PRKG1: variants seen among roughly 807,000 people sequenced by gnomAD.
The protein encoded by PRKG1 is protein kinase cGMP-dependent 1, also known as cGMP-dependent protein kinase 1.
Under a neutral mutation model 88.1 loss-of-function variants are expected in PRKG1, and 35 were observed. The ratio of observed to expected loss-of-function variants is 0.40; its 90% CI spans 0.30 to 0.53. The LOEUF (loss-of-function observed/expected upper bound fraction) is 0.53, where lower values mean the gene tolerates loss of function less well. Among genes scored for constraint, PRKG1 ranks in the 20% least tolerant of loss-of-function variants. The pLI is 0.59. For missense variants in PRKG1, 540 were observed against 839.8 expected, an observed-to-expected ratio of 0.64 and a Z score of 4.41; for synonymous variants, 303 against 292.5, an observed-to-expected ratio of 1.04 and a Z score of -0.37.
chr10:51,537,558 G>A (rs1007262786), intron 3 of PRKG1, among the ~76,000 whole-genome samples: 3 of 151,690 alleles, frequency 2.0e-5, no homozygotes, highest in Non-Finnish European at 4.4e-5. Flanking sequence ...GGTGAAACCC[G>A]TCTCTGCTAA....
At chr10:51,865,858 T>C in intron 4 of PRKG1, among the ~76,000 whole-genome samples, 1 of 152,186 alleles carries the variant, frequency 6.6e-6, no homozygotes, top group East Asian at 1.9e-4. Context: ...TCTTAAAATA[T>C]ATAATAAGCA....
At chr10:51,437,956 A>G (rs1419571651) in intron 2 of PRKG1, among the ~76,000 whole-genome samples, 1 of 151,564 alleles carries the variant, frequency 6.6e-6, no homozygotes, top group Non-Finnish European at 1.5e-5. Context: ...AAAGGCTAAG[A>G]AATCTTGCTC....
chr10:51,358,449 G>A (rs942246628), intron 2 of PRKG1, among the ~76,000 whole-genome samples: 15 of 151,936 alleles, frequency 9.9e-5, no homozygotes, highest in African/African-American at 3.6e-4. Context: ...AGGAATGTCA[G>A]TGTTCCATGC....
intron 9 of PRKG1, among the ~76,000 whole-genome samples, chr10:52,248,422 C>T (rs766596067): frequency 2.6e-5 from 4 of 152,078 alleles, no homozygotes; most frequent in Non-Finnish European, 5.9e-5. Flanking sequence ...AAAATCAGGA[C>T]CTGAAACAAG....
At chr10:51,688,772 T>G (rs933960498) in intron 3 of PRKG1, among the ~76,000 whole-genome samples, 1 of 152,158 alleles carries the variant, frequency 6.6e-6, no homozygotes, top group Non-Finnish European at 1.5e-5. Context: ...TTCACACTCA[T>G]GCTAATATCA....
At chr10:52,006,831 C>A (rs1480469817) in intron 5 of PRKG1, among the ~76,000 whole-genome samples, 1 of 152,118 alleles carries the variant, frequency 6.6e-6, no homozygotes, top group Non-Finnish European at 1.5e-5. Context: ...TGATTACATT[C>A]TCTAAGGTCA....
intron 1 of PRKG1, among the ~76,000 whole-genome samples, chr10:51,010,184 T>G (rs879604813): frequency 1.3e-5 from 2 of 152,210 alleles, no homozygotes; most frequent in Non-Finnish European, 2.9e-5. Context: ...TGGAATTCCA[T>G]GGAGCACGTG....
Position 51,344,112 on chromosome 10 carries a change from T to C in PRKG1, c.479-123611T>C, listed in dbSNP as rs371869688. Among the ~76,000 whole-genome samples, 13 of 152,318 alleles carry C rather than the reference T, an allele frequency of 8.5e-5. No individual in the cohort carries two copies. The East Asian group carries it at 2.5e-3, about 29-fold the overall frequency. On this transcript the variant is annotated intron_variant, in intron 2 of 17. Coordinates refer to ENST00000373980, the MANE Select transcript of PRKG1 (RefSeq NM_006258.4). Reference sequence around the variant, plus strand: ...TATAAAGAAAAGAGGTTTAACTTGCTCATGGTTCTGCAGGCTGTACAGGAA... The same window carrying C: ...TATAAAGAAAAGAGGTTTAACTTGCCCATGGTTCTGCAGGCTGTACAGGAA...
At chr10:51,851,279 G>A (rs1484564550) in intron 4 of PRKG1, among the ~76,000 whole-genome samples, 2 of 152,210 alleles carry the variant, frequency 1.3e-5, no homozygotes, top group African/African-American at 2.4e-5. Flanking sequence ...TTAGGTCAGA[G>A]ATTCTCAACT....
At chr10:52,118,119 T>G (rs1847731537) in intron 7 of PRKG1, among the ~76,000 whole-genome samples, 1 of 152,100 alleles carries the variant, frequency 6.6e-6, no homozygotes, top group Admixed American at 6.5e-5. Context: ...TATGCTGAAT[T>G]GTCTCTACAA....
chr10:51,078,385 A>ATTT (rs34894735), intron 1 of PRKG1, among the ~76,000 whole-genome samples: 7 of 85,726 alleles, frequency 8.2e-5, no homozygotes, highest in African/African-American at 1.8e-4. Context: ...ATGCCTGGCT[A>ATTT]TTTTTTTTTT....
intron 3 of PRKG1, among the ~76,000 whole-genome samples, chr10:51,612,388 A>G (rs954359392): frequency 2.0e-5 from 3 of 151,694 alleles, no homozygotes; most frequent in Non-Finnish European, 4.4e-5. Context: ...TGTGTGTGTC[A>G]CTATTGTAAA....
chr10:51,613,100 G>A (rs925932932), intron 3 of PRKG1, among the ~76,000 whole-genome samples: 1 of 151,582 alleles, frequency 6.6e-6, no homozygotes, highest in Non-Finnish European at 1.5e-5. Context: ...ATTGATATTA[G>A]TACTTCTTTA....
chr10:51,798,398 G>C (rs1402725498), intron 3 of PRKG1, among the ~76,000 whole-genome samples: 1 of 151,976 alleles, frequency 6.6e-6, no homozygotes, highest in East Asian at 1.9e-4. Context: ...TTACCCTAAG[G>C]TTAGTGGTGT....
At chr10:51,373,852 A>T (rs1842753978) in intron 2 of PRKG1, among the ~76,000 whole-genome samples, 1 of 151,576 alleles carries the variant, frequency 6.6e-6, no homozygotes, top group African/African-American at 2.4e-5. Context: ...TTTTTAAAAA[A>T]TTATACTTTG....
intron 3 of PRKG1, among the ~76,000 whole-genome samples, chr10:51,782,049 G>A (rs1434084659): frequency 2.6e-5 from 4 of 151,926 alleles, no homozygotes; most frequent in Non-Finnish European, 5.9e-5. Flanking sequence ...TGTAAAAAAT[G>A]CAATAGCAAT....
chr10:51,347,143 A>G (rs1420143448), intron 2 of PRKG1, among the ~76,000 whole-genome samples: 1 of 151,936 alleles, frequency 6.6e-6, no homozygotes, highest in African/African-American at 2.4e-5. Context: ...TCTACCACCA[A>G]GACAATTTAG....
Position 51,977,801 on chromosome 10 carries a change from C to T in PRKG1, c.762+70231C>T, listed in dbSNP as rs897950763. On this transcript the variant is annotated intron_variant, in intron 5 of 17. Transcript: ENST00000373980. ...AAAGTGTTTGTTCATGTCCTTTGTC[C>T]ATTTTTAATGGGGTCATTTACTTTT... Among the ~76,000 whole-genome samples, 7 of 151,962 alleles carry T rather than the reference C, an allele frequency of 4.6e-5. No individual in the cohort carries two copies. In the East Asian group the frequency reaches 9.7e-4, roughly 21 times the overall value.
At chr10:51,101,380 C>T (rs1844677057) in intron 1 of PRKG1, among the ~76,000 whole-genome samples, 1 of 152,066 alleles carries the variant, frequency 6.6e-6, no homozygotes, top group South Asian at 2.1e-4. Flanking sequence ...CTTGGACTTC[C>T]CAATGTCCAG....
Sources: allele counts gnomAD v4.1 joint callset (sites outside exome capture counted in the v4.1 genomes callset), GRCh38; gene constraint gnomAD v4.1.1; transcripts MANE v1.5; gene names NCBI Gene and HGNC (gene_info 2026-07-23, HGNC 2026-07-21).